NEGR1: variants seen among roughly 807,000 people sequenced by gnomAD.
The protein encoded by NEGR1 is neuronal growth regulator 1.
In NEGR1, 10 loss-of-function variants were observed where a neutral mutation model predicts 40.9. The ratio of observed to expected loss-of-function variants is 0.24; its 90% confidence interval spans 0.15 to 0.42. NEGR1 has a LOEUF of 0.42. NEGR1 is among the 10% of genes least tolerant of loss of function. The pLI, the probability that NEGR1 is intolerant of heterozygous loss-of-function variation, is 1.00. For synonymous variants in NEGR1, 185 were observed against 166.8 expected (o/e 1.11, Z -0.84); for missense variants, 352 against 438.9 (o/e 0.80, Z 1.77).
intron 6 of NEGR1, among the ~76,000 whole-genome samples, chr1:71,424,067 A>G (rs1212172444): frequency 7.4e-6 from 1 of 134,326 alleles, no homozygotes; most frequent in Non-Finnish European, 1.6e-5. Flanking sequence ...GTCAGACGCT[A>G]ATAGTTAGGA....
intron 2 of NEGR1, among the ~76,000 whole-genome samples, chr1:71,886,100 G>A (rs528332757): frequency 2.0e-5 from 3 of 152,218 alleles, no homozygotes; most frequent in Admixed American, 1.3e-4. Flanking sequence ...AAGGCTGAAC[G>A]CTAATATTTG....
intron 1 of NEGR1, among the ~76,000 whole-genome samples, chr1:72,051,304 G>A (rs1315669638): frequency 6.6e-6 from 1 of 151,350 alleles, no homozygotes; most frequent in Non-Finnish European, 1.5e-5. Flanking sequence ...ACTTGATAAT[G>A]GTAATCTAGT....
At chr1:71,613,413 G>A (rs142074959) in intron 4 of NEGR1, among the ~76,000 whole-genome samples, 3 of 152,174 alleles carry the variant, frequency 2.0e-5, no homozygotes, top group East Asian at 3.9e-4. Context: ...TTGGGAGGCC[G>A]AGGCGGGTGG....
intron 6 of NEGR1, among the ~76,000 whole-genome samples, chr1:71,416,457 C>T (rs559324156): frequency 5.9e-5 from 9 of 151,978 alleles, no homozygotes; most frequent in Middle Eastern, 3.4e-3. Context: ...TTCCATTTAC[C>T]TTTAAATTTT....
intron 3 of NEGR1, among the ~76,000 whole-genome samples, chr1:71,755,809 CTA>C (rs1655713218): frequency 6.6e-6 from 1 of 152,186 alleles, no homozygotes; most frequent in Non-Finnish European, 1.5e-5. Flanking sequence ...ATGGTGGTAG[CTA>C]TAATTTTTCC....
chr1:71,632,244 T>C (rs560711817), intron 4 of NEGR1, among the ~76,000 whole-genome samples: 4 of 151,748 alleles, frequency 2.6e-5, no homozygotes, highest in Non-Finnish European at 5.9e-5. Context: ...TGCAATTATG[T>C]ATGCACGTAC....
intron 1 of NEGR1, among the ~76,000 whole-genome samples, chr1:72,192,136 T>G (rs909340949): frequency 1.3e-5 from 2 of 151,894 alleles, no homozygotes; most frequent in Admixed American, 1.3e-4. Context: ...CTTGGGATAT[T>G]CATAGAGCTA....
chr1:72,083,268 G>GCCTC (rs1000931044), intron 1 of NEGR1, among the ~76,000 whole-genome samples: 1 of 151,710 alleles, frequency 6.6e-6, no homozygotes, highest in African/African-American at 2.4e-5. Flanking sequence ...CTGCCTGCCT[G>GCCTC]CCTCCTTCCC....
intron 1 of NEGR1, among the ~76,000 whole-genome samples, chr1:72,144,216 T>C (rs1291203772): frequency 6.6e-6 from 1 of 151,450 alleles, no homozygotes; most frequent in Non-Finnish European, 1.5e-5. Context: ...ATATAGGTCT[T>C]GCAGGCACTC....
chr1:72,075,871 C>T (rs1013028280), intron 1 of NEGR1, among the ~76,000 whole-genome samples: 1 of 152,034 alleles, frequency 6.6e-6, no homozygotes, highest in Non-Finnish European at 1.5e-5. Flanking sequence ...GAACTAAGAT[C>T]GGAGTAAGAG....
chr1:72,169,466 A>G (rs1054336777), intron 1 of NEGR1, among the ~76,000 whole-genome samples: 9 of 152,198 alleles, frequency 5.9e-5, no homozygotes, highest in African/African-American at 2.2e-4. Context: ...ATTGTCTATT[A>G]TAAGATATTT....
intron 1 of NEGR1, among the ~76,000 whole-genome samples, chr1:72,175,089 C>T (rs921530324): frequency 1.3e-5 from 2 of 151,980 alleles, no homozygotes; most frequent in African/African-American, 4.8e-5. Flanking sequence ...TTAGCATTAG[C>T]TGTATCTCCT....
At chr1:71,683,266 G>T (rs989454097) in intron 4 of NEGR1, among the ~76,000 whole-genome samples, 5 of 151,758 alleles carry the variant, frequency 3.3e-5, no homozygotes, top group Non-Finnish European at 7.4e-5. Flanking sequence ...TAATGTGAAG[G>T]GATCTCCTCT....
intron 1 of NEGR1, among the ~76,000 whole-genome samples, chr1:71,969,850 T>G (rs1570565027): frequency 6.6e-6 from 1 of 152,248 alleles, no homozygotes; most frequent in Admixed American, 6.5e-5. Flanking sequence ...ATTAGGCAGT[T>G]TTCTGCCTTT....
At chr1:71,564,967 A>C (rs933321173) in intron 6 of NEGR1, among the ~76,000 whole-genome samples, 5 of 152,134 alleles carry the variant, frequency 3.3e-5, no homozygotes, top group African/African-American at 4.8e-5. Flanking sequence ...TACTGCTTCA[A>C]AGAGGAAGTT....
intron 6 of NEGR1, among the ~76,000 whole-genome samples, chr1:71,528,166 T>A (rs1461632087): frequency 6.6e-6 from 1 of 151,320 alleles, no homozygotes; most frequent in Non-Finnish European, 1.5e-5. Context: ...TTACCCCTAG[T>A]CTTCTACATT....
intron 6 of NEGR1, among the ~76,000 whole-genome samples, chr1:71,458,030 G>T (rs916086674): frequency 2.0e-5 from 3 of 152,074 alleles, no homozygotes; most frequent in African/African-American, 4.8e-5. Context: ...GAAAGGTAAG[G>T]CTCAAAGAAG....
chr1:71,664,061 A>G (rs1178193638), intron 4 of NEGR1, among the ~76,000 whole-genome samples: 1 of 152,124 alleles, frequency 6.6e-6, no homozygotes, highest in African/African-American at 2.4e-5. Flanking sequence ...CATCTAGTGA[A>G]CTTCTCTCTC....
intron 2 of NEGR1, among the ~76,000 whole-genome samples, chr1:71,898,980 G>GAATATA (rs1661062571): frequency 9.2e-5 from 1 of 10,876 alleles, no homozygotes; most frequent in Non-Finnish European, 1.5e-4. Flanking sequence ...TATATATATA[G>GAATATA]CATATATATA....
Sources: allele counts gnomAD v4.1 joint callset (sites outside exome capture counted in the v4.1 genomes callset), GRCh38; gene constraint gnomAD v4.1.1; transcripts MANE v1.5; gene names NCBI Gene and HGNC (gene_info 2026-07-23, HGNC 2026-07-21).